GPC5: variants seen among roughly 807,000 people sequenced by gnomAD.
The protein encoded by GPC5 is glypican 5, also known as glypican-5.
In GPC5, 47 loss-of-function variants were observed where a neutral mutation model predicts 53.9. That is an observed-to-expected ratio of 0.87 (90% CI 0.69 to 1.11). The LOEUF is 1.11. GPC5 is among the 50% of genes most tolerant of loss of function. GPC5 has a pLI of 0.00. For synonymous variants in GPC5, 286 were observed against 263.3 expected (o/e 1.09, Z -0.84); for missense variants, 748 against 713.1 (o/e 1.05, Z -0.56).
At chr13:91,993,381 A>G (rs2040474733) in intron 6 of GPC5, among the ~76,000 whole-genome samples, 1 of 152,136 alleles carries the variant, frequency 6.6e-6, no homozygotes, top group Non-Finnish European at 1.5e-5. Context: ...TCCAGAAATC[A>G]ACCCTGAATT....
At chr13:92,624,002 C>A (rs1257131653) in intron 7 of GPC5, among the ~76,000 whole-genome samples, 1 of 151,202 alleles carries the variant, frequency 6.6e-6, no homozygotes, top group African/African-American at 2.4e-5. Flanking sequence ...TTACAGGTGC[C>A]TACCACCATG....
At chr13:92,127,081 T>G (rs901462490) in intron 6 of GPC5, among the ~76,000 whole-genome samples, 19 of 152,012 alleles carry the variant, frequency 1.2e-4, no homozygotes, top group Non-Finnish European at 2.5e-4. Flanking sequence ...AAAGTAGTAT[T>G]GATTGAGAAA....
chr13:92,568,749 C>A (rs192259246), intron 7 of GPC5, among the ~76,000 whole-genome samples: 2 of 152,144 alleles, frequency 1.3e-5, no homozygotes, highest in African/African-American at 4.8e-5. Flanking sequence ...AATCAGTGAA[C>A]ACAATGTTAT....
rs558864239 is a variant in GPC5 at position 92,301,910 on chromosome 13, AAATT to A, written c.1561+156937_1561+156940del. ...AAGACTGTCTCAAAAATAAATAAATAAATTAATTAATTAATTAATATCGACCACA... is the reference window on the plus strand; with the variant it reads ...AAGACTGTCTCAAAAATAAATAAATAAATTAATTAATTAATATCGACCACA... On this transcript the variant is annotated intron_variant, in intron 7 of 7. Coordinates refer to ENST00000377067, the MANE Select transcript of GPC5 (RefSeq NM_004466.6). Among the ~76,000 whole-genome samples, 517 of 152,136 alleles carry A rather than the reference AAATT, an allele frequency of 3.4e-3. 1 individual carries two copies. Among genetic ancestry groups the A allele is most frequent in the African/African-American group, 0.012 (482 of 41,500 alleles).
intron 2 of GPC5, among the ~76,000 whole-genome samples, chr13:91,576,570 T>C (rs771295569): frequency 5.3e-5 from 8 of 152,116 alleles, no homozygotes; most frequent in Non-Finnish European, 1.0e-4. Context: ...TACAAAGGTG[T>C]TTGCCAAATT....
chr13:91,867,238 A>G (rs1320111325), intron 5 of GPC5, among the ~76,000 whole-genome samples: 1 of 152,172 alleles, frequency 6.6e-6, no homozygotes, highest in Non-Finnish European at 1.5e-5. Flanking sequence ...AAGTATCATC[A>G]TTGAGTCTCT....
chr13:92,109,061 GTTT>G lies in GPC5; in HGVS notation c.1402-35748_1402-35746del, dbSNP rs35762919. On this transcript the variant is annotated intron_variant, in intron 6 of 7. Transcript: ENST00000377067. The stretch of plus-strand genomic sequence containing the variant: ...CTTCTATGTATGTATCAATATGTTG[GTTT>G]TTTTTTTTTTTTTTTTTTTTGAGAC... Among the ~76,000 whole-genome samples the G allele has an allele frequency of 8.1e-3, 706 of 87,514 alleles. 2 individuals carry two copies. Among genetic ancestry groups the G allele is most frequent in the East Asian group, 0.073 (191 of 2,634 alleles). The allele number at this position is 87,514 out of a possible 152,430, so 57.4% of individuals were successfully genotyped here.
Position 92,533,766 on chromosome 13 carries a change from T to C in GPC5, c.1562-332516T>C, listed in dbSNP as rs1353745090. Among the ~76,000 whole-genome samples the C allele has an allele frequency of 2.6e-5, 4 of 152,162 alleles. 1 individual carries two copies. In the South Asian group the frequency reaches 8.3e-4, roughly 32 times the overall value. On this transcript the variant is annotated intron_variant, in intron 7 of 7. Transcript: ENST00000377067. ...AGGACTAGACAGAGGAAAGTAAGATTAATGGGAATTCATGATGGCGGGCTC... is the reference window on the plus strand; with the variant it reads ...AGGACTAGACAGAGGAAAGTAAGATCAATGGGAATTCATGATGGCGGGCTC...
chr13:91,558,344 G>C (rs1444564157), intron 2 of GPC5, among the ~76,000 whole-genome samples: 1 of 152,038 alleles, frequency 6.6e-6, no homozygotes, highest in African/African-American at 2.4e-5. Context: ...TTTTATCCTA[G>C]TACTGTTATC....
chr13:91,921,112 T>A (rs1375166220), intron 6 of GPC5, among the ~76,000 whole-genome samples: 1 of 151,836 alleles, frequency 6.6e-6, no homozygotes, highest in Non-Finnish European at 1.5e-5. Context: ...AATTTTTGTA[T>A]TTTTAGTAGA....
At position 92,654,340 on chromosome 13, in the gene GPC5, T is replaced by G. The variant is rs574195343; in HGVS notation, c.1562-211942T>G. On this transcript the variant is annotated intron_variant, in intron 7 of 7. Transcript: ENST00000377067. ...TTCTAAATGAAGCAATAAAAATGGT[T>G]TTCCAGAGTTGTCAGATAGAGTCCT... Among the ~76,000 whole-genome samples, 4 of 152,288 alleles carry G rather than the reference T, an allele frequency of 2.6e-5. No homozygotes were observed. The East Asian group carries it at 7.7e-4, about 29-fold the overall frequency.
chr13:91,522,249 C>G lies in GPC5; in HGVS notation c.325+73327C>G, dbSNP rs564760641. On this transcript the variant is annotated intron_variant, in intron 2 of 7. Coordinates refer to ENST00000377067, the MANE Select transcript of GPC5 (RefSeq NM_004466.6). The stretch of plus-strand genomic sequence containing the variant: ...AGGTTGCGGGTGGGGCTGCAAGTCT[C>G]AACTCTCTAAACGTGCCTTGGTCTT... Among the ~76,000 whole-genome samples the G allele has an allele frequency of 4.2e-4, 64 of 152,306 alleles. 3 individuals carry two copies. Among genetic ancestry groups the G allele is most frequent in the South Asian group, 6.2e-4 (3 of 4,822 alleles).
rs35873316 is a variant in GPC5, at chr13:92,398,428, C to CAAAAAAA, written c.1561+253455_1561+253461dup. ...TGGGCGACAGAGCGAGACTCCGTCTCAAAAAAAAAAAAAAAAAAAAAATTA... is the reference window on the plus strand; with the variant it reads ...TGGGCGACAGAGCGAGACTCCGTCTCAAAAAAAAAAAAAAAAAAAAAAAAAAAAATTA... On this transcript the variant is annotated intron_variant, in intron 7 of 7. Transcript: ENST00000377067. Among the ~76,000 whole-genome samples the CAAAAAAA allele has an allele frequency of 2.0e-3, 179 of 87,636 alleles. 3 individuals are homozygous for CAAAAAAA. Among genetic ancestry groups the CAAAAAAA allele is most frequent in the South Asian group, 2.8e-3 (7 of 2,480 alleles). The allele number at this position is 87,636 out of a possible 152,430, so 57.5% of individuals were successfully genotyped here.
chr13:92,467,029 G>A (rs1215099506), intron 7 of GPC5, among the ~76,000 whole-genome samples: 6 of 152,006 alleles, frequency 3.9e-5, no homozygotes, highest in Non-Finnish European at 8.8e-5. Context: ...AATAAAAGCT[G>A]GAGAAACGAG....
intron 7 of GPC5, among the ~76,000 whole-genome samples, chr13:92,862,055 C>T (rs1399751986): frequency 2.6e-5 from 4 of 152,076 alleles, no homozygotes; most frequent in Non-Finnish European, 5.9e-5. Context: ...ACCTCGAGTT[C>T]AATGCTTTGA....
At chr13:91,542,228 G>T (rs1238135473) in intron 2 of GPC5, among the ~76,000 whole-genome samples, 3 of 151,666 alleles carry the variant, frequency 2.0e-5, no homozygotes, top group Non-Finnish European at 1.5e-5. Context: ...ACATGCATTG[G>T]GATATAGTCA....
chr13:92,031,883 T>A (rs1357727153), intron 6 of GPC5, among the ~76,000 whole-genome samples: 4 of 96,668 alleles, frequency 4.1e-5, no homozygotes, highest in East Asian at 5.7e-4. Context: ...TAACATATAT[T>A]TTATATATTA....
chr13:92,597,102 C>A (rs1218995787), intron 7 of GPC5, among the ~76,000 whole-genome samples: 1 of 152,172 alleles, frequency 6.6e-6, no homozygotes, highest in African/African-American at 2.4e-5. Context: ...CACAAACACT[C>A]TGTTAGGATC....
intron 6 of GPC5, among the ~76,000 whole-genome samples, chr13:91,939,490 C>T (rs1330289793): frequency 6.6e-6 from 1 of 152,104 alleles, no homozygotes; most frequent in Non-Finnish European, 1.5e-5. Context: ...TGACAGAGAC[C>T]ACTGTAAGCA....
Sources: gnomAD v4.1 joint callset for allele counts (sites outside exome capture counted in the v4.1 genomes callset) on GRCh38, gnomAD v4.1.1 for gene constraint, MANE v1.5 for transcripts, NCBI Gene and HGNC (gene_info 2026-07-23, HGNC 2026-07-21) for gene names.